Variants in TMEM40 observed in about 807,000 individuals in gnomAD.
TMEM40 encodes the protein transmembrane protein 40.
A neutral mutation model predicts 40.8 loss-of-function variants in TMEM40; 34 were observed. The ratio of observed to expected loss-of-function variants is 0.83; its 90% CI spans 0.63 to 1.11. TMEM40 has a LOEUF of 1.11. TMEM40 is among the 50% of genes least tolerant of loss of function. The probability of loss-of-function intolerance (pLI) is 0.00; values close to 1 mark genes in which losing one functional copy is unlikely to be tolerated. For synonymous variants in TMEM40, 106 were observed against 107.0 expected (o/e 0.99, Z 0.06); for missense variants, 296 against 280.2 (o/e 1.06, Z -0.40).
chr3:12,762,124 G>A (rs993880663), upstream of TMEM40, among the ~76,000 whole-genome samples: 1 of 151,848 alleles, frequency 6.6e-6, no homozygotes, highest in Non-Finnish European at 1.5e-5. Flanking sequence ...CACCATGCCC[G>A]GTTAACTTTT....
intron 3 of TMEM40, among the ~76,000 whole-genome samples, chr3:12,744,376 A>AC (rs576744594): frequency 6.6e-6 from 1 of 151,374 alleles, no homozygotes; most frequent in East Asian, 1.9e-4. Context: ...TGTGTCTCCC[A>AC]CCCCCCTGGA....
intron 1 of TMEM40, among the ~76,000 whole-genome samples, chr3:12,769,039 G>A (rs186677425): frequency 6.6e-6 from 1 of 152,046 alleles, no homozygotes; most frequent in East Asian, 1.9e-4. Context: ...GGCCCTGCGA[G>A]AAATCGAGTG....
chr3:12,760,934 A>C (rs565076953), upstream of TMEM40, among the ~76,000 whole-genome samples: 1 of 152,186 alleles, frequency 6.6e-6, no homozygotes, highest in African/African-American at 2.4e-5. Flanking sequence ...TAGAGACAAG[A>C]TCTTGCTATG....
At chr3:12,738,506 G>A (rs2061355324) in intron 6 of TMEM40, 47 bp downstream of exon 6, 1 of 1,604,728 alleles carries the variant, frequency 6.2e-7, no homozygotes, top group Non-Finnish European at 8.5e-7. Context: ...CCTAGACCTG[G>A]CTCAATACCA....
At chr3:12,768,911 C>G (rs568281253) in intron 1 of TMEM40, among the ~76,000 whole-genome samples, 8,479 of 25,506 alleles carry the variant, frequency 0.33, 801 homozygotes, top group African/African-American at 0.48. Flanking sequence ...GCAGGGCGGG[C>G]CGGGGCCGGG....
intron 5 of TMEM40, among the ~76,000 whole-genome samples, chr3:12,739,457 T>G (rs1411093998): frequency 6.6e-6 from 1 of 152,018 alleles, no homozygotes; most frequent in Non-Finnish European, 1.5e-5. Context: ...GCTAATTTTT[T>G]GTATTTTTAG....
Position 12,743,954 on chromosome 3 carries a change from C to A in TMEM40, c.247G>T (p.Gly83Ter). Residue 83 changes from glycine (G) to a stop codon, truncating the protein, a stop_gained, in exon 4 of 12, where the codon GGA becomes TGA. Transcript: ENST00000314124. LOFTEE classifies it high-confidence loss of function. ...GCCCCCAGGCTCCGTCGATGTTTTCCGGTTGCTCTGGGTTGCTGGTCCTCA... is the reference window on the plus strand; with the variant it reads ...GCCCCCAGGCTCCGTCGATGTTTTCAGGTTGCTCTGGGTTGCTGGTCCTCA... ...NDEDQQPRAT[G>*]KHRRSLGAGY... 1.9e-6 allele frequency: 3 copies of A among 1,613,402 alleles called. No individual in the cohort carries two copies. Among genetic ancestry groups the A allele is most frequent in the Non-Finnish European group, 2.5e-6 (3 of 1,179,772 alleles).
At chr3:12,744,010 C>A in intron 3 of TMEM40, 21 bp from the exon 4 acceptor site, 2 of 1,607,952 alleles carry the variant, frequency 1.2e-6, no homozygotes, top group Non-Finnish European at 8.5e-7. Flanking sequence ...CAAACACAAG[C>A]TGTAGGAGAA....
rs547191387 is a variant in TMEM40, at chr3:12,736,273, C to T, written c.619+305G>A. Reference sequence around the variant, plus strand: ...AAGCACTTCTCCTGTCTCAGCCTCCCGAGTAGCTGAGATTACAGACATGCG... The same window carrying T: ...AAGCACTTCTCCTGTCTCAGCCTCCTGAGTAGCTGAGATTACAGACATGCG... On this transcript the variant is annotated intron_variant, in intron 10 of 11. Transcript: ENST00000314124. Among the ~76,000 whole-genome samples the T allele has an allele frequency of 6.6e-5, 10 of 152,120 alleles. No individual in the cohort carries two copies. In the East Asian group the frequency reaches 1.4e-3, roughly 21 times the overall value.
chr3:12,748,774 T>C lies in TMEM40; in HGVS notation c.92A>G (p.His31Arg), dbSNP rs1292007306. The change falls in exon 3 of 12, where the codon CAC becomes CGC. Residue 31 changes from histidine to arginine, a missense_variant. By Grantham distance (29) the His-to-Arg change is conservative. Coordinates refer to ENST00000314124, the MANE Select transcript of TMEM40 (RefSeq NM_018306.4). ...GAGTCCAGCCTTCCCATCTTGCTTG[T>C]GGAAATCTGTCTCTCCATCTACAAG... is the stretch of plus-strand genomic sequence containing the variant. ...EDVDYGETDF[H>R]KQDGKAGLFS... The C allele has an allele frequency of 6.2e-7, 1 of 1,614,044 alleles. No homozygotes were observed. Among genetic ancestry groups the C allele is most frequent in the Admixed American group, 1.7e-5 (1 of 60,018 alleles).
intron 1 of TMEM40, among the ~76,000 whole-genome samples, chr3:12,768,919 G>GGGGTGGGGC (rs1559538126): frequency 3.5e-5 from 3 of 85,684 alleles, no homozygotes; most frequent in Non-Finnish European, 2.4e-5. Context: ...GGCCGGGGCC[G>GGGGTGGGGC]GGGCCGGGGC....
At chr3:12,742,166 G>A (rs1191122901) in intron 5 of TMEM40, among the ~76,000 whole-genome samples, 1 of 152,158 alleles carries the variant, frequency 6.6e-6, no homozygotes, top group East Asian at 1.9e-4. Flanking sequence ...GGAGGTGGAA[G>A]TTGCAGTGAG....
At chr3:12,753,305 C>A (rs553419889) in intron 1 of TMEM40, among the ~76,000 whole-genome samples, 1 of 147,730 alleles carries the variant, frequency 6.8e-6, no homozygotes, top group East Asian at 2.0e-4. Context: ...CAGCTTCAAC[C>A]TCCTGGGTTC....
chr3:12,765,446 T>A lies in TMEM40; in HGVS notation c.-9+3805A>T, dbSNP rs543265600. ...GCCCAGGGGTGCCAGAGAACCCAGT[T>A]TGACAATCACTGGAGGGCAGCAATA... On this transcript the variant is annotated intron_variant, in intron 1 of 11. Coordinates refer to the TMEM40 transcript ENST00000264728. 2.0e-5 allele frequency among the ~76,000 whole-genome samples: 3 copies of A among 152,230 alleles called. No individual in the cohort carries two copies. In the East Asian group the frequency reaches 5.8e-4, roughly 29 times the overall value.
intron 1 of TMEM40, among the ~76,000 whole-genome samples, chr3:12,755,233 C>CTCTGTCTTTCTT (rs1553634013): frequency 6.7e-5 from 4 of 59,886 alleles, no homozygotes; most frequent in African/African-American, 2.9e-4. Context: ...CTCTCTCTCT[C>CTCTGTCTTTCTT]TCTTTCTTTC....
chr3:12,767,773 G>A (rs1310419538), intron 1 of TMEM40, among the ~76,000 whole-genome samples: 2 of 152,158 alleles, frequency 1.3e-5, no homozygotes, highest in East Asian at 3.9e-4. Flanking sequence ...AAGAGGCAAG[G>A]AGGGTCAAAG....
At chr3:12,741,983 G>A (rs1184484837) in intron 5 of TMEM40, among the ~76,000 whole-genome samples, 2 of 152,156 alleles carry the variant, frequency 1.3e-5, no homozygotes, top group East Asian at 1.9e-4. Context: ...TGTAATCCCA[G>A]CACTTTGGGA....
chr3:12,755,213 T>TTCTTTCTC (rs1553634015), intron 1 of TMEM40, among the ~76,000 whole-genome samples: 25 of 94,314 alleles, frequency 2.7e-4, no homozygotes, highest in African/African-American at 7.8e-4. Flanking sequence ...CTTTCTTTCT[T>TTCTTTCTC]TCTCTCTCTC....
Position 12,734,501 on chromosome 3 carries a change from C to T in TMEM40, c.*273G>A, listed in dbSNP as rs1039052998. 1 of 469,290 alleles carries T rather than the reference C, an allele frequency of 2.1e-6. No individual in the cohort carries two copies. Among genetic ancestry groups the T allele is most frequent in the African/African-American group, 2.0e-5 (1 of 51,264 alleles). 29.1% of individuals were successfully genotyped at this position (469,290 alleles called of 1,614,324 possible). Reference sequence around the variant, plus strand: ...GAGAGCAGTGACCTCCCAGAATCTTCCTGCTGGTCCAGGTACTGTGAAGCC... The same window carrying T: ...GAGAGCAGTGACCTCCCAGAATCTTTCTGCTGGTCCAGGTACTGTGAAGCC... On this transcript the variant is annotated 3_prime_UTR_variant, in exon 12 of 12. Transcript: ENST00000314124.
Sources: gnomAD v4.1 joint callset for allele counts (sites outside exome capture counted in the v4.1 genomes callset) on GRCh38, gnomAD v4.1.1 for gene constraint, MANE v1.5 for transcripts, NCBI Gene and HGNC (gene_info 2026-07-23, HGNC 2026-07-21) for gene names.